Variants in KCNQ1 observed in about 807,000 individuals in gnomAD.
The protein encoded by KCNQ1 is potassium voltage-gated channel subfamily Q member 1, also known as potassium voltage-gated channel subfamily KQT member 1.
KCNQ1 carries 49 observed loss-of-function variants against 72.4 expected under a neutral mutation model. The ratio of observed to expected loss-of-function variants is 0.68; its 90% CI spans 0.54 to 0.86. KCNQ1 has a LOEUF of 0.86. Among genes scored for constraint, KCNQ1 ranks in the 40% least tolerant of loss-of-function variants. KCNQ1 has a pLI of 0.00. For synonymous variants in KCNQ1, 450 were observed against 412.6 expected (o/e 1.09, Z -1.10); for missense variants, 790 against 945.1 (o/e 0.84, Z 2.15).
chr11:2,571,030 C>T (rs1045197063), intron 3 of KCNQ1, among the ~76,000 whole-genome samples: 15 of 152,194 alleles, frequency 9.9e-5, no homozygotes, highest in Non-Finnish European at 1.6e-4. Context: ...CAGTCACCCT[C>T]GGCAGCCTGA....
chr11:2,654,473 C>T lies in KCNQ1; in HGVS notation c.1394-7488C>T, dbSNP rs1849806663. 5 of 398,556 alleles carry T rather than the reference C, an allele frequency of 1.3e-5. No homozygotes were observed. In the East Asian group the frequency reaches 1.8e-4, roughly 14 times the overall value. The allele number at this position is 398,556 out of a possible 1,614,324, so 24.7% of individuals were successfully genotyped here. A position where few individuals can be genotyped will look rare whatever the true frequency, so the allele number is the denominator to read the frequency against. ...GCTGAGCGCCAGGCACACATAAGCC[C>T]TGCAGCCGTACAGGGGAGGGGGCAA... is the stretch of plus-strand genomic sequence containing the variant. On this transcript the variant is annotated intron_variant, in intron 10 of 15. Coordinates refer to ENST00000155840, the MANE Select transcript of KCNQ1 (RefSeq NM_000218.3). This position sits in a 1 kb window ranked among gnomAD's most constrained non-coding sequence, Gnocchi z 6.4.
rs75434265 is a variant in KCNQ1, at chr11:2,610,952, C to A, written c.1393+22098C>A. 1,107 of 398,272 alleles carry A rather than the reference C, an allele frequency of 2.8e-3. 10 individuals carry two copies. Among genetic ancestry groups the A allele is most frequent in the African/African-American group, 0.021 (1,014 of 48,660 alleles). 24.7% of individuals were successfully genotyped at this position (398,272 alleles called of 1,614,324 possible). A position where few individuals can be genotyped will look rare whatever the true frequency, so the allele number is the denominator to read the frequency against. On this transcript the variant is annotated intron_variant, in intron 10 of 15. Coordinates refer to ENST00000155840, the MANE Select transcript of KCNQ1 (RefSeq NM_000218.3). ...TCACTCTGAATAATTGATAGAACAA[C>A]AAGACAGAAAATCAACAAGAGTTAG...
At chr11:2,749,971 A>AT (rs1846200928) in intron 11 of KCNQ1, among the ~76,000 whole-genome samples, 1 of 152,070 alleles carries the variant, frequency 6.6e-6, no homozygotes, top group Admixed American at 6.5e-5. Flanking sequence ...AAAAAAAAAA[A>AT]AATAAAAAGT....
At position 2,744,184 on chromosome 11, in the gene KCNQ1, G is replaced by A. The variant is rs189487675; in HGVS notation, c.1515-24660G>A. On this transcript the variant is annotated intron_variant, in intron 11 of 15. Coordinates refer to ENST00000155840, the MANE Select transcript of KCNQ1 (RefSeq NM_000218.3). ...AAAAGAGATTATTACAGGGAGCTGG[G>A]GACTCAGGCTTGCACCCTGCCTGTT... Among the ~76,000 whole-genome samples the A allele has an allele frequency of 1.2e-4, 19 of 152,342 alleles. No individual in the cohort carries two copies. In the East Asian group the frequency reaches 1.9e-3, roughly 15 times the overall value.
chr11:2,457,582 A>G lies in KCNQ1; in HGVS notation c.386+12098A>G, dbSNP rs1846215191. On this transcript the variant is annotated intron_variant, in intron 1 of 15. Coordinates refer to ENST00000155840, the MANE Select transcript of KCNQ1 (RefSeq NM_000218.3). The surrounding 1 kb of genome is among the most constrained non-coding windows in gnomAD (Gnocchi z 5.0). Reference sequence around the variant, plus strand: ...TAAGTGAGGGCTAAACATCAAATCCATGTGGACATAATGATGAGAACAAGA... The same window carrying G: ...TAAGTGAGGGCTAAACATCAAATCCGTGTGGACATAATGATGAGAACAAGA... 6.6e-6 allele frequency among the ~76,000 whole-genome samples: 1 copy of G among 151,940 alleles called. No homozygotes were observed. The highest frequency in any genetic ancestry group is 6.5e-5 in the Admixed American group (1 of 15,270).
chr11:2,579,474 G>T lies in KCNQ1; in HGVS notation c.922-3961G>T, dbSNP rs139291386. ...GACAGACATGTGGATCTGCATTCCA[G>T]GTGGTGGGCCATCAGGGACTAATCC... On this transcript the variant is annotated intron_variant, in intron 6 of 15. Transcript: ENST00000155840. The surrounding 1 kb of genome is among the most constrained non-coding windows in gnomAD (Gnocchi z 6.0). 6.4e-4 allele frequency among the ~76,000 whole-genome samples: 98 copies of T among 152,348 alleles called. No homozygotes were observed. Among genetic ancestry groups the T allele is most frequent in the South Asian group, 2.3e-3 (11 of 4,834 alleles).
chr11:2,683,966 T>C lies in KCNQ1; in HGVS notation c.1514+21885T>C, dbSNP rs1850442358. On this transcript the variant is annotated intron_variant, in intron 11 of 15. Transcript: ENST00000155840. This position sits in a 1 kb window ranked among gnomAD's most constrained non-coding sequence, Gnocchi z 4.7. ...AACCAGCTGACTGCTTTTACTTTTT[T>C]TTTTTTTTCATTTAGAAGAATTTCC... 2.5e-6 allele frequency: 1 copy of C among 398,514 alleles called. No individual in the cohort carries two copies. Among genetic ancestry groups the C allele is most frequent in the Non-Finnish European group, 4.4e-6 (1 of 226,028 alleles). The allele number at this position is 398,514 out of a possible 1,614,324, so 24.7% of individuals were successfully genotyped here.
In KCNQ1 at chr11:2,573,075, G is replaced by A. The variant is rs911889082; in HGVS notation, c.921+89G>A. On this transcript the variant is annotated intron_variant, in intron 6 of 15. Coordinates refer to ENST00000155840, the MANE Select transcript of KCNQ1 (RefSeq NM_000218.3). ...CTGGGCACTGGTGTCTTGAGACTTC[G>A]GGCCTTGGCAGGGGCTTCTCACCTG... is the stretch of plus-strand genomic sequence containing the variant. 159 of 1,489,168 alleles carry A rather than the reference G, an allele frequency of 1.1e-4. 1 individual carries two copies. Among genetic ancestry groups the A allele is most frequent in the South Asian group, 2.6e-4 (20 of 77,476 alleles). 92.2% of individuals were successfully genotyped at this position (1,489,168 alleles called of 1,614,324 possible).
intron 2 of KCNQ1, among the ~76,000 whole-genome samples, chr11:2,569,250 C>A (rs1490258153): frequency 6.6e-6 from 1 of 152,228 alleles, no homozygotes; most frequent in African/African-American, 2.4e-5. Context: ...CACCCACACA[C>A]CCCTGAAGGA....
rs368082693 is a variant in KCNQ1 at position 2,692,950 on chromosome 11, G to A, written c.1514+30869G>A. 155 of 398,632 alleles carry A rather than the reference G, an allele frequency of 3.9e-4. 1 individual carries two copies. The Middle Eastern group carries it at 5.7e-3, about 15-fold the overall frequency. 24.7% of individuals were successfully genotyped at this position (398,632 alleles called of 1,614,324 possible). On this transcript the variant is annotated intron_variant, in intron 11 of 15. Transcript: ENST00000155840. ...CCCAAGCAGGTTGTCCTGCCCATAC[G>A]CTCAATAATGAGGCCCACTGAACTC...
intron 11 of KCNQ1, among the ~76,000 whole-genome samples, chr11:2,708,923 G>A (rs1169458036): frequency 6.6e-6 from 1 of 152,042 alleles, no homozygotes; most frequent in Non-Finnish European, 1.5e-5. Flanking sequence ...TGCTTGGAGT[G>A]CAATCTTTTT....
Position 2,645,358 on chromosome 11 carries a change from G to A in KCNQ1, c.1394-16603G>A, listed in dbSNP as rs182664813. ...ATCCCTAGGCCCAGAGATGGTATGCGCTGGCACTGGGAGAAAAGAGGGTGG... is the reference window on the plus strand; with the variant it reads ...ATCCCTAGGCCCAGAGATGGTATGCACTGGCACTGGGAGAAAAGAGGGTGG... On this transcript the variant is annotated intron_variant, in intron 10 of 15. Transcript: ENST00000155840. This position sits in a 1 kb window ranked among gnomAD's most constrained non-coding sequence, Gnocchi z 5.8. 38 of 398,752 alleles carry A rather than the reference G, an allele frequency of 9.5e-5. 1 individual carries two copies. In the Middle Eastern group the frequency reaches 2.5e-3, roughly 26 times the overall value. The allele number at this position is 398,752 out of a possible 1,614,324, so 24.7% of individuals were successfully genotyped here. A position where few individuals can be genotyped will look rare whatever the true frequency, so the allele number is the denominator to read the frequency against.
In KCNQ1 at chr11:2,611,965, C is replaced by T; in HGVS notation, c.1393+23111C>T. ...ATCTACTCAAATATTTTTGTCTGCCCTATTCTCTCCTTCTCAGTACTCTTA... is the reference window on the plus strand; with the variant it reads ...ATCTACTCAAATATTTTTGTCTGCCTTATTCTCTCCTTCTCAGTACTCTTA... On this transcript the variant is annotated intron_variant, in intron 10 of 15. Coordinates refer to ENST00000155840, the MANE Select transcript of KCNQ1 (RefSeq NM_000218.3). This position sits in a 1 kb window ranked among gnomAD's most constrained non-coding sequence, Gnocchi z 5.3. 1 of 398,442 alleles carries T rather than the reference C, an allele frequency of 2.5e-6. No individual in the cohort carries two copies. The highest frequency in any genetic ancestry group is 4.4e-6 in the Non-Finnish European group (1 of 226,028). 24.7% of individuals were successfully genotyped at this position (398,442 alleles called of 1,614,324 possible).
In KCNQ1 at chr11:2,676,058, A is replaced by G; in HGVS notation, c.1514+13977A>G. On this transcript the variant is annotated intron_variant, in intron 11 of 15. Transcript: ENST00000155840. The surrounding 1 kb of genome is among the most constrained non-coding windows in gnomAD (Gnocchi z 4.2). ...ACACTTTCCTATTGCATCTTTCCAG[A>G]CGTATTTTATATAAACAAATATACG... 2.5e-6 allele frequency: 1 copy of G among 398,568 alleles called. No individual in the cohort carries two copies. Among genetic ancestry groups the G allele is most frequent in the Non-Finnish European group, 4.4e-6 (1 of 226,042 alleles). 24.7% of individuals were successfully genotyped at this position (398,568 alleles called of 1,614,324 possible).
In KCNQ1 at chr11:2,483,434, T is replaced by C. The variant is rs1168021065; in HGVS notation, c.386+37950T>C. On this transcript the variant is annotated intron_variant, in intron 1 of 15. Transcript: ENST00000155840. The surrounding 1 kb of genome is among the most constrained non-coding windows in gnomAD (Gnocchi z 6.1). ...TTGACCAAAACCGACACCTGATACA[T>C]TACCGTGAACTCAACTGCAGATCTG... Among the ~76,000 whole-genome samples, 1 of 152,158 alleles carries C rather than the reference T, an allele frequency of 6.6e-6. No homozygotes were observed. Among genetic ancestry groups the C allele is most frequent in the Middle Eastern group, 3.2e-3 (1 of 316 alleles).
Position 2,691,168 on chromosome 11 carries a change from T to C in KCNQ1, c.1514+29087T>C, listed in dbSNP as rs909047201. 6 of 398,492 alleles carry C rather than the reference T, an allele frequency of 1.5e-5. No individual in the cohort carries two copies. Among genetic ancestry groups the C allele is most frequent in the Non-Finnish European group, 2.7e-5 (6 of 226,086 alleles). 24.7% of individuals were successfully genotyped at this position (398,492 alleles called of 1,614,324 possible). ...GCTGGCCTCTGGCCTCTCACAGCCT[T>C]GGGAGGGGTGCTCAGAGCTCAGCTG... is the stretch of plus-strand genomic sequence containing the variant. On this transcript the variant is annotated intron_variant, in intron 11 of 15. Transcript: ENST00000155840. This position sits in a 1 kb window ranked among gnomAD's most constrained non-coding sequence, Gnocchi z 6.4.
Position 2,654,176 on chromosome 11 carries a change from C to G in KCNQ1, c.1394-7785C>G, listed in dbSNP as rs1849801041. The G allele has an allele frequency of 2.5e-6, 1 of 398,676 alleles. No homozygotes were observed. The allele number at this position is 398,676 out of a possible 1,614,324, so 24.7% of individuals were successfully genotyped here. A position where few individuals can be genotyped will look rare whatever the true frequency, so the allele number is the denominator to read the frequency against. On this transcript the variant is annotated intron_variant, in intron 10 of 15. Coordinates refer to ENST00000155840, the MANE Select transcript of KCNQ1 (RefSeq NM_000218.3). This position sits in a 1 kb window ranked among gnomAD's most constrained non-coding sequence, Gnocchi z 6.4. ...GCCGGGCATGGGCAGCTGGCACAGG[C>G]TGTGGGGCTGCGGCTCAGCAATGTC...
intron 10 of KCNQ1, chr11:2,644,392 A>T: frequency 2.5e-6 from 1 of 398,294 alleles, no homozygotes; most frequent in Non-Finnish European, 4.4e-6. Flanking sequence ...TTTTTATTTC[A>T]TTCAATCTAT....
In KCNQ1 at chr11:2,457,759, G is replaced by C. The variant is rs148320180; in HGVS notation, c.386+12275G>C. Among the ~76,000 whole-genome samples, 1 of 150,484 alleles carries C rather than the reference G, an allele frequency of 6.6e-6. No individual in the cohort carries two copies. Among genetic ancestry groups the C allele is most frequent in the Non-Finnish European group, 1.5e-5 (1 of 67,856 alleles). On this transcript the variant is annotated intron_variant, in intron 1 of 15. Coordinates refer to ENST00000155840, the MANE Select transcript of KCNQ1 (RefSeq NM_000218.3). The surrounding 1 kb of genome is among the most constrained non-coding windows in gnomAD (Gnocchi z 5.0). Reference sequence around the variant, plus strand: ...ATACCTTTGTGACAAACCTGCACTTGTACCTCCTGAACCTATTAAAAAAGT... The same window carrying C: ...ATACCTTTGTGACAAACCTGCACTTCTACCTCCTGAACCTATTAAAAAAGT...
Sources: gnomAD v4.1 joint callset for allele counts (sites outside exome capture counted in the v4.1 genomes callset) on GRCh38, gnomAD v4.1.1 for gene constraint, Gnocchi (gnomAD v3.1) non-coding constraint, MANE v1.5 for transcripts, NCBI Gene and HGNC (gene_info 2026-07-23, HGNC 2026-07-21) for gene names.